The following GPC6 variants were observed in gnomAD, a reference collection of about 807,000 sequenced individuals.
GPC6 encodes the protein glypican-6.
Under a neutral mutation model 55.2 loss-of-function variants are expected in GPC6, and 14 were observed. The observed-to-expected ratio is 0.25, with a 90% CI of 0.17 to 0.40. The LOEUF (loss-of-function observed/expected upper bound fraction) is 0.40. GPC6 is among the 10% of genes least tolerant of loss of function. GPC6 has a pLI of 1.00. For missense variants in GPC6, 641 were observed against 708.5 expected, an observed-to-expected ratio of 0.90 and a Z score of 1.08; for synonymous variants, 278 against 259.6, an observed-to-expected ratio of 1.07 and a Z score of -0.68.
At position 94,025,052 on chromosome 13, in the gene GPC6, A is replaced by G. The variant is rs546100274; in HGVS notation, c.712-2677A>G. ...ATGAATGAGACAGTCCTTGGCATCC[A>G]AGAGATCTCAAATTTATATCCCCAA... On this transcript the variant is annotated intron_variant, in intron 3 of 8. Coordinates refer to ENST00000377047, the MANE Select transcript of GPC6 (RefSeq NM_005708.5). 1.8e-4 allele frequency among the ~76,000 whole-genome samples: 28 copies of G among 152,356 alleles called. No homozygotes were observed. In the South Asian group the frequency reaches 5.8e-3, roughly 32 times the overall value.
intron 1 of GPC6, among the ~76,000 whole-genome samples, chr13:93,488,352 C>A (rs11842134): frequency 0.014 from 2,111 of 152,262 alleles, 42 homozygotes; most frequent in African/African-American, 0.047. Flanking sequence ...GCCACATTTT[C>A]TTAATCTAGT....
intron 2 of GPC6, among the ~76,000 whole-genome samples, chr13:93,819,564 C>T (rs775350906): frequency 2.0e-5 from 3 of 152,194 alleles, no homozygotes; most frequent in Non-Finnish European, 4.4e-5. Context: ...AGCAGATTTG[C>T]GGGCCAGGCC....
At chr13:93,790,562 A>C (rs1227741590) in intron 2 of GPC6, among the ~76,000 whole-genome samples, 1 of 151,816 alleles carries the variant, frequency 6.6e-6, no homozygotes, top group Non-Finnish European at 1.5e-5. Context: ...ACACATACAC[A>C]CTCCTTTACT....
chr13:93,587,386 G>C lies in GPC6; in HGVS notation c.319+41965G>C, dbSNP rs149148134. 9.2e-5 allele frequency among the ~76,000 whole-genome samples: 14 copies of C among 152,212 alleles called. No individual in the cohort carries two copies. The East Asian group carries it at 2.7e-3, about 29-fold the overall frequency. ...ATCTGTAAAATGAGGTAGTTCTCTGGATCAGTTCTGAAACTTCTTCTAGCT... is the reference window on the plus strand; with the variant it reads ...ATCTGTAAAATGAGGTAGTTCTCTGCATCAGTTCTGAAACTTCTTCTAGCT... On this transcript the variant is annotated intron_variant, in intron 2 of 8. Transcript: ENST00000377047.
intron 7 of GPC6, among the ~76,000 whole-genome samples, chr13:94,390,808 T>G (rs1180947780): frequency 6.6e-6 from 1 of 151,802 alleles, no homozygotes; most frequent in Non-Finnish European, 1.5e-5. Context: ...CAGACACACT[T>G]GAAGAGAGAG....
intron 1 of GPC6, among the ~76,000 whole-genome samples, chr13:93,394,488 A>G (rs2139222670): frequency 6.6e-6 from 1 of 152,350 alleles, no homozygotes; most frequent in Non-Finnish European, 1.5e-5. Flanking sequence ...GATTACCTCA[A>G]TGTCCTCATC....
chr13:93,454,882 G>C (rs192752093), intron 1 of GPC6, among the ~76,000 whole-genome samples: 57 of 152,364 alleles, frequency 3.7e-4, no homozygotes, highest in African/African-American at 1.3e-3. Context: ...GCCCATGGAG[G>C]GGGTGGGAGG....
At chr13:94,199,017 CA>C (rs1299706527) in intron 4 of GPC6, among the ~76,000 whole-genome samples, 1 of 152,130 alleles carries the variant, frequency 6.6e-6, no homozygotes, top group Non-Finnish European at 1.5e-5. Context: ...CCAGTAGAAC[CA>C]ATCCACCATG....
intron 3 of GPC6, among the ~76,000 whole-genome samples, chr13:93,859,134 A>G (rs1422895561): frequency 6.6e-6 from 1 of 151,564 alleles, no homozygotes; most frequent in Non-Finnish European, 1.5e-5. Flanking sequence ...CATGTGGGCA[A>G]TCTGGTATTT....
intron 4 of GPC6, among the ~76,000 whole-genome samples, chr13:94,197,862 C>G (rs1321646212): frequency 6.6e-6 from 1 of 150,528 alleles, no homozygotes; most frequent in African/African-American, 2.4e-5. Flanking sequence ...AAACGTAACA[C>G]TTTAGCAGTG....
intron 2 of GPC6, among the ~76,000 whole-genome samples, chr13:93,744,210 C>T (rs775778300): frequency 5.3e-5 from 8 of 152,254 alleles, no homozygotes; most frequent in African/African-American, 9.6e-5. Flanking sequence ...GGTCTCTACC[C>T]GCTTGACTTC....
chr13:93,727,373 C>T (rs1883680158), intron 2 of GPC6, among the ~76,000 whole-genome samples: 2 of 152,098 alleles, frequency 1.3e-5, no homozygotes, highest in South Asian at 2.1e-4. Context: ...TACACAATCT[C>T]CCCACAATCT....
At chr13:93,975,227 T>A (rs985509769) in intron 3 of GPC6, among the ~76,000 whole-genome samples, 5 of 152,244 alleles carry the variant, frequency 3.3e-5, no homozygotes, top group South Asian at 2.1e-4. Flanking sequence ...GATACAAAAA[T>A]TTTTTTAATC....
intron 2 of GPC6, among the ~76,000 whole-genome samples, chr13:93,623,539 A>T (rs1486627568): frequency 2.1e-5 from 3 of 146,046 alleles, no homozygotes; most frequent in African/African-American, 7.6e-5. Context: ...GCTCACTGCA[A>T]GCTCCGCCTC....
chr13:94,383,455 G>C (rs1255416455), intron 7 of GPC6, among the ~76,000 whole-genome samples: 1 of 152,204 alleles, frequency 6.6e-6, no homozygotes, highest in Non-Finnish European at 1.5e-5. Flanking sequence ...TGGTTGCCAG[G>C]AGCGGTGGCT....
At chr13:93,796,841 GC>G (rs372846543) in intron 2 of GPC6, among the ~76,000 whole-genome samples, 89 of 104,346 alleles carry the variant, frequency 8.5e-4, no homozygotes, top group African/African-American at 3.1e-3. Flanking sequence ...AAGAGCTTAA[GC>G]TTTTTCATCT....
chr13:93,422,784 T>G (rs1292171253), intron 1 of GPC6, among the ~76,000 whole-genome samples: 2 of 152,204 alleles, frequency 1.3e-5, no homozygotes, highest in Admixed American at 1.3e-4. Context: ...TAGCTAAAAT[T>G]TTTTTAAAAG....
chr13:93,966,428 T>G (rs9524287), intron 3 of GPC6, among the ~76,000 whole-genome samples: 20,747 of 152,166 alleles, frequency 0.14, 1,678 homozygotes, highest in East Asian at 0.26. Flanking sequence ...CTACCAGACC[T>G]CTGCTTTTGA....
intron 3 of GPC6, among the ~76,000 whole-genome samples, chr13:93,881,951 G>C (rs1201447800): frequency 6.6e-6 from 1 of 151,948 alleles, no homozygotes; most frequent in Non-Finnish European, 1.5e-5. Flanking sequence ...AAAATTAACC[G>C]AGGAGAGTAT....
Sources: gnomAD v4.1 joint callset for allele counts (sites outside exome capture counted in the v4.1 genomes callset) on GRCh38, gnomAD v4.1.1 for gene constraint, MANE v1.5 for transcripts, NCBI Gene and HGNC (gene_info 2026-07-23, HGNC 2026-07-21) for gene names.